KIAA0232: variants seen among roughly 807,000 people sequenced by gnomAD.
The protein encoded by KIAA0232 is uncharacterized protein KIAA0232.
In KIAA0232, 27 loss-of-function variants were observed where a neutral mutation model predicts 122.0. The ratio of observed to expected loss-of-function variants is 0.22; its 90% confidence interval spans 0.16 to 0.31. KIAA0232 has a LOEUF of 0.31. KIAA0232 is among the 10% of genes least tolerant of loss of function. KIAA0232 has a pLI of 1.00. For synonymous variants in KIAA0232, 613 were observed against 587.6 expected, an observed-to-expected ratio of 1.04 and a Z score of -0.63; for missense variants, 1,551 against 1,634.2, an observed-to-expected ratio of 0.95 and a Z score of 0.88.
chr4:6,783,775 C>A (rs965259546), intron 1 of KIAA0232, among the ~76,000 whole-genome samples: 2 of 152,134 alleles, frequency 1.3e-5, no homozygotes, highest in African/African-American at 4.8e-5. Flanking sequence ...GTGACAGGCC[C>A]ACAGTCATCC....
chr4:6,793,105 C>T (rs1246627100), intron 1 of KIAA0232, among the ~76,000 whole-genome samples: 2 of 152,178 alleles, frequency 1.3e-5, no homozygotes, highest in African/African-American at 4.8e-5. Flanking sequence ...CTCATCCTCT[C>T]ATCTCCTAAT....
At chr4:6,787,068 C>G (rs1716656834) in intron 1 of KIAA0232, among the ~76,000 whole-genome samples, 1 of 150,578 alleles carries the variant, frequency 6.6e-6, no homozygotes, top group South Asian at 2.1e-4. Flanking sequence ...ATAGTCCCAG[C>G]TACTTGGGAG....
chr4:6,880,364 C>A (rs938890579), intron 9 of KIAA0232, among the ~76,000 whole-genome samples: 6 of 149,562 alleles, frequency 4.0e-5, no homozygotes, highest in Admixed American at 2.0e-4. Context: ...CCCAACACAC[C>A]CGTCTGCAGT....
At chr4:6,859,582 G>A (rs753031757) in intron 6 of KIAA0232, among the ~76,000 whole-genome samples, 2 of 152,192 alleles carry the variant, frequency 1.3e-5, no homozygotes, top group African/African-American at 4.8e-5. Flanking sequence ...TATATTACTG[G>A]AGTGCATTTC....
chr4:6,841,989 CTGAG>C (rs2109138650), intron 3 of KIAA0232, 74 bp from the exon 4 acceptor site: 2 of 1,516,138 alleles, frequency 1.3e-6, no homozygotes, highest in Non-Finnish European at 1.8e-6. Context: ...CTTTTTGTGA[CTGAG>C]TGTGTGTGGT....
intron 1 of KIAA0232, among the ~76,000 whole-genome samples, chr4:6,786,459 T>A (rs1282716720): frequency 6.6e-6 from 1 of 152,016 alleles, no homozygotes; most frequent in Non-Finnish European, 1.5e-5. Flanking sequence ...TGCACCACCA[T>A]GCTCAGCTAA....
At chr4:6,805,277 A>G (rs1387869095) in intron 2 of KIAA0232, among the ~76,000 whole-genome samples, 1 of 152,188 alleles carries the variant, frequency 6.6e-6, no homozygotes, top group Non-Finnish European at 1.5e-5. Flanking sequence ...CATATGTACT[A>G]CTTTGATCCT....
intron 4 of KIAA0232, among the ~76,000 whole-genome samples, chr4:6,851,133 T>C (rs1186753271): frequency 6.6e-6 from 1 of 152,256 alleles, no homozygotes; most frequent in African/African-American, 2.4e-5. Flanking sequence ...CAGAATGTTA[T>C]ACTTAAACTT....
At chr4:6,879,400 G>T (rs1721933811) in intron 9 of KIAA0232, among the ~76,000 whole-genome samples, 1 of 152,168 alleles carries the variant, frequency 6.6e-6, no homozygotes, top group Non-Finnish European at 1.5e-5. Context: ...GACCCATACT[G>T]CTAACCATGA....
Position 6,862,176 on chromosome 4 carries a change from C to T in KIAA0232, c.1794C>T (p.Ser598=), listed in dbSNP as rs368542230. 9.0e-5 allele frequency: 146 copies of T among 1,613,978 alleles called. No homozygotes were observed. The highest frequency in any genetic ancestry group is 1.6e-4 in the Middle Eastern group (1 of 6,084). The part of the protein sequence containing the change: ...AQFWECCSSS[S]GDADGESFGG... ...TTTGGGAGTGCTGTTCATCCAGCTC[C>T]GGTGATGCTGATGGGGAGAGTTTTG... The change falls in exon 7 of 10, where the codon TCC becomes TCT. Residue 598 remains serine (S), a synonymous_variant. Transcript: ENST00000307659.
intron 4 of KIAA0232, among the ~76,000 whole-genome samples, chr4:6,853,218 A>G (rs1033253705): frequency 3.9e-5 from 6 of 152,348 alleles, no homozygotes; most frequent in African/African-American, 1.4e-4. Context: ...AAGAAGAAAC[A>G]TTTGAGGGAT....
At chr4:6,879,670 T>G (rs1313641466) in intron 9 of KIAA0232, among the ~76,000 whole-genome samples, 1 of 152,164 alleles carries the variant, frequency 6.6e-6, no homozygotes, top group African/African-American at 2.4e-5. Context: ...GGGCCACCAC[T>G]GCATCTCATG....
intron 9 of KIAA0232, among the ~76,000 whole-genome samples, chr4:6,878,565 G>A (rs544750110): frequency 5.1e-4 from 77 of 152,294 alleles, no homozygotes; most frequent in African/African-American, 1.7e-3. Flanking sequence ...TTCTGCACCT[G>A]GTCACATGGT....
intron 3 of KIAA0232, among the ~76,000 whole-genome samples, chr4:6,826,681 A>G (rs1377738972): frequency 6.6e-6 from 1 of 152,030 alleles, no homozygotes; most frequent in East Asian, 1.9e-4. Context: ...ATTTTTAAAA[A>G]ACTATGTCTC....
intron 9 of KIAA0232, among the ~76,000 whole-genome samples, chr4:6,877,654 G>A (rs1560214103): frequency 6.6e-6 from 1 of 152,160 alleles, no homozygotes; most frequent in East Asian, 1.9e-4. Flanking sequence ...GGGAGAAGAT[G>A]TAGGCTGGGA....
In KIAA0232 at chr4:6,862,636, A is replaced by G; in HGVS notation, c.2254A>G (p.Asn752Asp). ...INYVVPRVSS[N>D]YVDEELLDFL... ...TTATGTAGTTCCTAGAGTCTCGTCA[A>G]ATTATGTAGATGAAGAACTTCTAGA... Residue 752 changes from asparagine to aspartate, a missense_variant, in exon 7 of 10, where the codon AAT becomes GAT. This residue lies in a region of KIAA0232 where 1,108 missense variants were observed against 1,154.8 expected (regional missense o/e 0.96). Coordinates refer to ENST00000307659, the MANE Select transcript of KIAA0232 (RefSeq NM_014743.3). 4 of 1,613,422 alleles carry G rather than the reference A, an allele frequency of 2.5e-6. No homozygotes were observed. Among genetic ancestry groups the G allele is most frequent in the Non-Finnish European group, 3.4e-6 (4 of 1,179,866 alleles).
At chr4:6,875,361 A>G (rs1721695372) in intron 8 of KIAA0232, among the ~76,000 whole-genome samples, 1 of 152,260 alleles carries the variant, frequency 6.6e-6, no homozygotes, top group Admixed American at 6.5e-5. Flanking sequence ...AAGTTACATC[A>G]CAAGTAAATA....
chr4:6,808,678 A>C (rs922168120), intron 2 of KIAA0232, among the ~76,000 whole-genome samples: 7 of 152,034 alleles, frequency 4.6e-5, no homozygotes, highest in Non-Finnish European at 8.8e-5. Context: ...AGAATGAGTT[A>C]AAATTCCTAT....
chr4:6,785,245 G>C (rs924516113), intron 1 of KIAA0232, among the ~76,000 whole-genome samples: 2 of 152,126 alleles, frequency 1.3e-5, no homozygotes, highest in African/African-American at 4.8e-5. Flanking sequence ...CTGATTAGAT[G>C]GATTTTTAAC....
Sources: gnomAD v4.1 joint callset for allele counts (sites outside exome capture counted in the v4.1 genomes callset) on GRCh38, gnomAD v4.1.1 for gene constraint, gnomAD v4.1.1 regional missense constraint, MANE v1.5 for transcripts, NCBI Gene and HGNC (gene_info 2026-07-23, HGNC 2026-07-21) for gene names.